XRCC4: variants seen among roughly 807,000 people sequenced by gnomAD.
XRCC4 encodes the protein DNA repair protein XRCC4.
In XRCC4, 28 loss-of-function variants were observed where a neutral mutation model predicts 39.1. That is an observed-to-expected ratio of 0.72 (90% CI 0.53 to 0.98). XRCC4 has a LOEUF of 0.98. XRCC4 is among the 50% of genes least tolerant of loss of function. The probability of loss-of-function intolerance (pLI) is 0.00; values close to 1 mark genes in which losing one functional copy is unlikely to be tolerated. For missense variants in XRCC4, 350 were observed against 376.4 expected (o/e 0.93, Z 0.58); for synonymous variants, 123 against 126.4 (o/e 0.97, Z 0.18).
intron 7 of XRCC4, among the ~76,000 whole-genome samples, chr5:83,330,128 A>T (rs554454787): frequency 6.6e-6 from 1 of 152,214 alleles, no homozygotes; most frequent in East Asian, 1.9e-4. Flanking sequence ...TTCTACAAAA[A>T]GATATAATTT....
intron 3 of XRCC4, among the ~76,000 whole-genome samples, chr5:83,137,266 A>G (rs1337196739): frequency 6.6e-6 from 1 of 152,154 alleles, no homozygotes; most frequent in Non-Finnish European, 1.5e-5. Context: ...TGAATGAAGA[A>G]CAGAAATCTT....
intron 1 of XRCC4, among the ~76,000 whole-genome samples, chr5:83,104,115 T>C (rs1227470151): frequency 6.6e-6 from 1 of 152,204 alleles, no homozygotes; most frequent in East Asian, 1.9e-4. Context: ...GATAATCTGA[T>C]GCAACTTATC....
chr5:83,156,109 G>C (rs759841305), intron 3 of XRCC4, among the ~76,000 whole-genome samples: 15 of 151,974 alleles, frequency 9.9e-5, no homozygotes, highest in Admixed American at 6.6e-4. Flanking sequence ...CTACCACCCT[G>C]TTTGAATATT....
In XRCC4 at chr5:83,164,558, T is replaced by G. The variant is rs77275377; in HGVS notation, c.316-31212T>G. On this transcript the variant is annotated intron_variant, in intron 3 of 7. Transcript: ENST00000396027. The stretch of plus-strand genomic sequence containing the variant: ...AATAGTGTATTGTGTACATGACATT[T>G]CCTAAGAGAGATCTTAAATGTTCTC... Among the ~76,000 whole-genome samples the G allele has an allele frequency of 6.4e-4, 98 of 152,222 alleles. No individual in the cohort carries two copies. In the East Asian group the frequency reaches 0.014, roughly 21 times the overall value.
rs1329719331 is a variant in XRCC4, at chr5:83,078,105, C to G, written c.-11+490C>G. On this transcript the variant is annotated intron_variant, in intron 1 of 7. Transcript: ENST00000396027. ...TTCTGTGGTAACCAATGGGAAGGAACTGCCGTTTGCGGACTGCAGCGATTG... is the reference window on the plus strand; with the variant it reads ...TTCTGTGGTAACCAATGGGAAGGAAGTGCCGTTTGCGGACTGCAGCGATTG... Among the ~76,000 whole-genome samples, 3 of 152,226 alleles carry G rather than the reference C, an allele frequency of 2.0e-5. No homozygotes were observed. The East Asian group carries it at 5.8e-4, about 29-fold the overall frequency.
At chr5:83,291,973 G>GTA (rs1203062559) in intron 7 of XRCC4, among the ~76,000 whole-genome samples, 1 of 151,336 alleles carries the variant, frequency 6.6e-6, no homozygotes, top group Non-Finnish European at 1.5e-5. Flanking sequence ...GTGTGTGTGT[G>GTA]TGTGTGTGTG....
intron 3 of XRCC4, among the ~76,000 whole-genome samples, chr5:83,176,294 G>A (rs1274135852): frequency 2.0e-5 from 3 of 152,062 alleles, no homozygotes; most frequent in African/African-American, 2.4e-5. Context: ...CTGATTGTGG[G>A]TAGATGGTTA....
intron 6 of XRCC4, among the ~76,000 whole-genome samples, chr5:83,225,894 T>C: frequency 6.6e-6 from 1 of 151,968 alleles, no homozygotes; most frequent in Non-Finnish European, 1.5e-5. Context: ...AAAAATCACC[T>C]CTTTTTTCTT....
At chr5:83,356,805 T>C (rs921561906), downstream of XRCC4, 10 of 444,748 alleles carry the variant, frequency 2.2e-5, no homozygotes, top group East Asian at 7.1e-4. Context: ...TTTTTTGACC[T>C]TATCATCCTC....
chr5:83,094,664 A>G (rs1745593902), intron 1 of XRCC4, among the ~76,000 whole-genome samples: 1 of 150,516 alleles, frequency 6.6e-6, no homozygotes, highest in Admixed American at 6.6e-5. Flanking sequence ...CTATTTATAT[A>G]TTCTTGTGGT....
At chr5:83,300,483 C>G (rs561020732) in intron 7 of XRCC4, among the ~76,000 whole-genome samples, 1 of 150,880 alleles carries the variant, frequency 6.6e-6, no homozygotes, top group African/African-American at 2.4e-5. Flanking sequence ...CATAGAATAA[C>G]CTTATGGGCA....
At chr5:83,154,139 A>G (rs1748846259) in intron 3 of XRCC4, among the ~76,000 whole-genome samples, 1 of 152,158 alleles carries the variant, frequency 6.6e-6, no homozygotes, top group East Asian at 1.9e-4. Flanking sequence ...CAGTTTTGGA[A>G]TCTTTGGTGG....
At chr5:83,140,540 C>A (rs1748118759) in intron 3 of XRCC4, among the ~76,000 whole-genome samples, 1 of 152,144 alleles carries the variant, frequency 6.6e-6, no homozygotes. Context: ...TAAAGACACA[C>A]CGAGATACAA....
intron 3 of XRCC4, among the ~76,000 whole-genome samples, chr5:83,169,226 T>C (rs1749619817): frequency 6.6e-6 from 1 of 152,212 alleles, no homozygotes; most frequent in East Asian, 1.9e-4. Flanking sequence ...AAAATAGTCA[T>C]TTTTCCAAAG....
At chr5:83,094,394 TC>T (rs1399610914) in intron 1 of XRCC4, among the ~76,000 whole-genome samples, 1 of 122,242 alleles carries the variant, frequency 8.2e-6, no homozygotes, top group Admixed American at 8.9e-5. Context: ...TCCTCTCCCC[TC>T]TTCTCCTCTC....
chr5:83,182,257 A>G (rs1750240030), intron 3 of XRCC4, among the ~76,000 whole-genome samples: 1 of 152,188 alleles, frequency 6.6e-6, no homozygotes, highest in Non-Finnish European at 1.5e-5. Context: ...CGAAACAGCA[A>G]TAACAATTTC....
chr5:83,344,064 C>A (rs1247763970), intron 7 of XRCC4, among the ~76,000 whole-genome samples: 1 of 151,862 alleles, frequency 6.6e-6, no homozygotes, highest in Non-Finnish European at 1.5e-5. Context: ...ACCATTCTCT[C>A]ATGAAATAGC....
chr5:83,237,824 C>T lies in XRCC4; in HGVS notation c.746-20706C>T, dbSNP rs370471903. On this transcript the variant is annotated intron_variant, in intron 6 of 7. Coordinates refer to ENST00000396027, the MANE Select transcript of XRCC4 (RefSeq NM_003401.5). ...TATACATTGTGTGCTCTTTTTTTTA[C>T]AATAAATATCACATGTACCCCATAA... Among the ~76,000 whole-genome samples, 9 of 151,652 alleles carry T rather than the reference C, an allele frequency of 5.9e-5. No individual in the cohort carries two copies. The East Asian group carries it at 1.4e-3, about 23-fold the overall frequency.
At chr5:83,189,835 C>G (rs1750614608) in intron 3 of XRCC4, among the ~76,000 whole-genome samples, 1 of 152,084 alleles carries the variant, frequency 6.6e-6, no homozygotes, top group Non-Finnish European at 1.5e-5. Context: ...GAGGCCAAGG[C>G]AGGCATATCA....
Sources: gnomAD v4.1 joint callset for allele counts (sites outside exome capture counted in the v4.1 genomes callset) on GRCh38, gnomAD v4.1.1 for gene constraint, MANE v1.5 for transcripts, NCBI Gene and HGNC (gene_info 2026-07-23, HGNC 2026-07-21) for gene names.